The following GNAO1 variants were observed in gnomAD, a reference collection of about 807,000 sequenced individuals.
GNAO1 encodes the protein G protein subunit alpha o1.
For synonymous variants in GNAO1, 164 were observed against 180.7 expected, an observed-to-expected ratio of 0.91 and a Z score of 0.74; for missense variants, 166 against 478.7, an observed-to-expected ratio of 0.35 and a Z score of 6.10.
intron 6 of GNAO1, among the ~76,000 whole-genome samples, chr16:56,338,603 C>A (rs1236098189): frequency 7.9e-5 from 12 of 152,250 alleles, no homozygotes; most frequent in African/African-American, 2.7e-4. Context: ...AAGCAGGAAG[C>A]CAGGAGGGCC....
intron 2 of GNAO1, among the ~76,000 whole-genome samples, chr16:56,217,590 G>A (rs1014313994): frequency 1.2e-4 from 19 of 152,306 alleles, no homozygotes; most frequent in African/African-American, 4.6e-4. Flanking sequence ...GTGTTTGTGA[G>A]GCCCTGGGTA....
intron 3 of GNAO1, among the ~76,000 whole-genome samples, chr16:56,301,501 C>T (rs1444717486): frequency 6.6e-6 from 1 of 152,210 alleles, no homozygotes; most frequent in Non-Finnish European, 1.5e-5. Flanking sequence ...GAAGAGGCTG[C>T]AAGAAGGGCT....
intron 4 of GNAO1, among the ~76,000 whole-genome samples, chr16:56,330,195 C>T (rs1281573825): frequency 6.6e-6 from 1 of 152,222 alleles, no homozygotes; most frequent in Non-Finnish European, 1.5e-5. Flanking sequence ...CCCAGGGACA[C>T]CCTGGTGGTC....
chr16:56,276,099 C>G lies in GNAO1; in HGVS notation c.303+27C>G, dbSNP rs747048547. On this transcript the variant is annotated intron_variant, in intron 3 of 8. Transcript: ENST00000262493. ...TAGGCCCCTGAGCCCATAAGCACAG[C>G]AACAAGAGGTTCTGTCTGTGTTACC... 1.9e-6 allele frequency: 3 copies of G among 1,596,450 alleles called. No homozygotes were observed. In the Admixed American group the frequency reaches 5.1e-5, roughly 27 times the overall value.
At chr16:56,306,489 T>TA (rs1201785875) in intron 3 of GNAO1, among the ~76,000 whole-genome samples, 1 of 152,184 alleles carries the variant, frequency 6.6e-6, no homozygotes, top group Non-Finnish European at 1.5e-5. Flanking sequence ...GAGGTGGACT[T>TA]ATGACCAGCT....
chr16:56,246,133 A>T (rs1362168971), intron 2 of GNAO1, among the ~76,000 whole-genome samples: 8 of 152,156 alleles, frequency 5.3e-5, no homozygotes, highest in Non-Finnish European at 8.8e-5. Context: ...GCCTCAGGGC[A>T]CATGCCTGTC....
chr16:56,203,052 G>A (rs1172680927), intron 2 of GNAO1, among the ~76,000 whole-genome samples: 2 of 152,236 alleles, frequency 1.3e-5, no homozygotes, highest in East Asian at 3.9e-4. Context: ...AGTTGCACCA[G>A]TTGGAGGAGA....
rs114054865 is a variant in GNAO1, at chr16:56,202,606, C to T, written c.161+9990C>T. Among the ~76,000 whole-genome samples the T allele has an allele frequency of 9.4e-4, 143 of 152,302 alleles. No homozygotes were observed. In the East Asian group the frequency reaches 0.022, roughly 24 times the overall value. On this transcript the variant is annotated intron_variant, in intron 2 of 8. Transcript: ENST00000262493. ...ATGGGTAGCTTGAGCTTGACATGAA[C>T]GTGCATCTCCTTCCCTAAGACAGAC...
At chr16:56,327,746 C>T (rs2037650235) in intron 3 of GNAO1, among the ~76,000 whole-genome samples, 1 of 152,116 alleles carries the variant, frequency 6.6e-6, no homozygotes, top group Non-Finnish European at 1.5e-5. Context: ...TTCAAGAAGG[C>T]TCAGCCTACA....
chr16:56,243,102 C>T (rs2143432924), intron 2 of GNAO1, among the ~76,000 whole-genome samples: 1 of 151,362 alleles, frequency 6.6e-6, no homozygotes, highest in Admixed American at 6.6e-5. Context: ...TCACTGTCTC[C>T]CATCACCCCT....
At chr16:56,229,064 A>G (rs1048109566) in intron 2 of GNAO1, among the ~76,000 whole-genome samples, 2 of 152,238 alleles carry the variant, frequency 1.3e-5, no homozygotes, top group African/African-American at 2.4e-5. Context: ...ATATAACCCA[A>G]TGCTACTTAG....
chr16:56,351,315 C>G lies in GNAO1; in HGVS notation c.724-69C>G. The G allele has an allele frequency of 2.6e-6, 3 of 1,162,402 alleles. No individual in the cohort carries two copies. The highest frequency in any genetic ancestry group is 3.8e-6 in the Non-Finnish European group (3 of 791,368). The allele number at this position is 1,162,402 out of a possible 1,614,324, so 72.0% of individuals were successfully genotyped here. On this transcript the variant is annotated intron_variant, in intron 6 of 8. Transcript: ENST00000262493. The surrounding 1 kb of genome is among the most constrained non-coding windows in gnomAD (Gnocchi z 6.1). ...CCTCTCTGTCAAGCCTAATTCTCTC[C>G]TTCTCTTTCCCTGTCTCTGTGTCTC... is the stretch of plus-strand genomic sequence containing the variant.
chr16:56,203,960 G>C (rs2036303344), intron 2 of GNAO1, among the ~76,000 whole-genome samples: 1 of 152,194 alleles, frequency 6.6e-6, no homozygotes, highest in South Asian at 2.1e-4. Context: ...AGGGTGCCAA[G>C]TCAGGAGAGC....
intron 3 of GNAO1, among the ~76,000 whole-genome samples, chr16:56,287,934 G>A (rs995074400): frequency 2.6e-5 from 4 of 152,294 alleles, no homozygotes; most frequent in Admixed American, 6.5e-5. Context: ...GAGATGGCGC[G>A]CTGCATAGAC....
intron 3 of GNAO1, among the ~76,000 whole-genome samples, chr16:56,309,053 G>A (rs1312020784): frequency 6.6e-6 from 1 of 152,098 alleles, no homozygotes; most frequent in Non-Finnish European, 1.5e-5. Context: ...TGGTTTCTAT[G>A]GCTCCCCGCA....
chr16:56,305,080 C>G (rs534047331), intron 3 of GNAO1, among the ~76,000 whole-genome samples: 1 of 152,298 alleles, frequency 6.6e-6, no homozygotes, highest in South Asian at 2.1e-4. Flanking sequence ...AAGCAGAGAC[C>G]TTGAGAACAG....
rs186407564 is a variant in GNAO1, at chr16:56,238,475, C to T, written c.162-37456C>T. On this transcript the variant is annotated intron_variant, in intron 2 of 8. Transcript: ENST00000262493. ...GACCACAGCACCACAGTCACAGAGT[C>T]TTCCTCCCCACCTTGTTGACTTTCT... 4.7e-3 allele frequency among the ~76,000 whole-genome samples: 717 copies of T among 152,330 alleles called. 4 individuals carry two copies. The highest frequency in any genetic ancestry group is 5.9e-3 in the Non-Finnish European group (404 of 68,032).
At chr16:56,319,296 G>C (rs2037547288) in intron 3 of GNAO1, among the ~76,000 whole-genome samples, 1 of 152,126 alleles carries the variant, frequency 6.6e-6, no homozygotes, top group African/African-American at 2.4e-5. Context: ...AGGTTCTCTT[G>C]GTCACCACCA....
intron 2 of GNAO1, among the ~76,000 whole-genome samples, chr16:56,264,904 C>T (rs1289183875): frequency 6.6e-6 from 1 of 151,580 alleles, no homozygotes; most frequent in African/African-American, 2.4e-5. Context: ...AATAAATGTT[C>T]GCATACCATA....
Sources: allele counts gnomAD v4.1 joint callset (sites outside exome capture counted in the v4.1 genomes callset), GRCh38; gene constraint gnomAD v4.1.1; non-coding constraint Gnocchi (gnomAD v3.1); transcripts MANE v1.5; gene names NCBI Gene and HGNC (gene_info 2026-07-23, HGNC 2026-07-21).